The following SMARCC1 variants were observed in gnomAD, a reference collection of about 807,000 sequenced individuals.
SMARCC1 encodes the protein SWI/SNF complex subunit SMARCC1.
SMARCC1 carries 43 observed loss-of-function variants against 147.4 expected under a neutral mutation model. That is an observed-to-expected ratio of 0.29 (90% confidence interval 0.23 to 0.38). The LOEUF is 0.38. SMARCC1 is among the 10% of genes least tolerant of loss of function. The probability of loss-of-function intolerance (pLI) is 1.00; values close to 1 mark genes in which losing one functional copy is unlikely to be tolerated. For missense variants in SMARCC1, 1,119 were observed against 1,381.1 expected (o/e 0.81, Z 3.01); for synonymous variants, 495 against 484.4 (o/e 1.02, Z -0.29).
At chr3:47,656,349 CCTTT>C (rs775623752) in intron 21 of SMARCC1, among the ~76,000 whole-genome samples, 6 of 152,208 alleles carry the variant, frequency 3.9e-5, no homozygotes, top group African/African-American at 7.2e-5. Flanking sequence ...AAAAATGTCT[CCTTT>C]CTAACATCAT....
chr3:47,618,301 G>A (rs1160550058), intron 25 of SMARCC1, among the ~76,000 whole-genome samples: 1 of 152,068 alleles, frequency 6.6e-6, no homozygotes, highest in Non-Finnish European at 1.5e-5. Flanking sequence ...AAACCCCTTG[G>A]GAGGAGAAGG....
intron 11 of SMARCC1, 46 bp from the exon 12 acceptor site, chr3:47,693,346 A>C: frequency 1.8e-6 from 2 of 1,129,726 alleles, no homozygotes; most frequent in Non-Finnish European, 2.7e-6. Flanking sequence ...GAAAAGTTGT[A>C]CTTCTTTTTA....
chr3:47,635,454 A>G, intron 23 of SMARCC1, 110 bp from the exon 24 acceptor site: 1 of 949,650 alleles, frequency 1.1e-6, no homozygotes, highest in Non-Finnish European at 1.6e-6. Flanking sequence ...AAGAGATGTC[A>G]ATGCCTTTTT....
intron 2 of SMARCC1, among the ~76,000 whole-genome samples, chr3:47,755,768 C>G (rs373369183): frequency 8.0e-5 from 12 of 150,066 alleles, no homozygotes; most frequent in East Asian, 7.9e-4. Flanking sequence ...CGAGGCGGGC[C>G]GATCACAAGG....
intron 6 of SMARCC1, among the ~76,000 whole-genome samples, chr3:47,728,739 T>G (rs929931130): frequency 4.6e-5 from 7 of 152,014 alleles, no homozygotes; most frequent in African/African-American, 1.7e-4. Context: ...GAAATTCTTG[T>G]CTCTACTAAA....
intron 21 of SMARCC1, among the ~76,000 whole-genome samples, chr3:47,642,717 A>T (rs1404433419): frequency 6.6e-6 from 1 of 152,116 alleles, no homozygotes; most frequent in Admixed American, 6.5e-5. Flanking sequence ...TGCTGCCTGG[A>T]ATGTAAAATA....
At chr3:47,707,862 G>A (rs1340452917) in intron 9 of SMARCC1, among the ~76,000 whole-genome samples, 1 of 152,094 alleles carries the variant, frequency 6.6e-6, no homozygotes, top group Non-Finnish European at 1.5e-5. Context: ...CTAGGCGATA[G>A]AATGAGATTC....
chr3:47,687,003 A>G (rs987885873), intron 13 of SMARCC1, among the ~76,000 whole-genome samples: 1 of 152,222 alleles, frequency 6.6e-6, no homozygotes, highest in Non-Finnish European at 1.5e-5. Context: ...AAAATAAGCA[A>G]AAACCCAAAT....
At position 47,588,323 on chromosome 3, in the gene SMARCC1, G is replaced by A; in HGVS notation, c.3221-17C>T. ...GAGGGGGATCTGCAAACATATCCAA[G>A]AGTAACTCGTTATTGCTGGAAATAC... On this transcript the variant is annotated splice_polypyrimidine_tract_variant and intron_variant, in intron 27 of 27. Transcript: ENST00000254480. 3 of 1,606,538 alleles carry A rather than the reference G, an allele frequency of 1.9e-6. No individual in the cohort carries two copies. The highest frequency in any genetic ancestry group is 2.6e-6 in the Non-Finnish European group (3 of 1,173,688).
intron 2 of SMARCC1, among the ~76,000 whole-genome samples, chr3:47,769,160 G>A (rs984461886): frequency 4.5e-5 from 6 of 132,792 alleles, no homozygotes; most frequent in Non-Finnish European, 9.2e-5. Flanking sequence ...GCAGTGAGCC[G>A]AGATCGCACC....
chr3:47,727,531 A>T (rs1011495116), intron 6 of SMARCC1, among the ~76,000 whole-genome samples: 3 of 152,064 alleles, frequency 2.0e-5, no homozygotes, highest in African/African-American at 7.2e-5. Flanking sequence ...TACTGTGTGT[A>T]CATACCACAA....
intron 21 of SMARCC1, among the ~76,000 whole-genome samples, chr3:47,642,199 T>G (rs2033056932): frequency 6.6e-6 from 1 of 152,132 alleles, no homozygotes. Context: ...GATTAGTACA[T>G]AAGATCTATA....
chr3:47,710,911 A>G, intron 8 of SMARCC1, 103 bp from the exon 9 acceptor site: 1 of 828,082 alleles, frequency 1.2e-6, no homozygotes, highest in South Asian at 1.9e-5. Context: ...AAAGCCTCAA[A>G]TGCATAAAAC....
chr3:47,684,676 C>T (rs1160411965), intron 14 of SMARCC1, among the ~76,000 whole-genome samples: 1 of 152,102 alleles, frequency 6.6e-6, no homozygotes, highest in Non-Finnish European at 1.5e-5. Context: ...CTGCTGACCT[C>T]AGGTGATCTG....
At chr3:47,692,422 A>AT (rs1350284257) in intron 12 of SMARCC1, among the ~76,000 whole-genome samples, 12 of 152,228 alleles carry the variant, frequency 7.9e-5, no homozygotes, top group African/African-American at 1.2e-4. Flanking sequence ...CACTCCACAG[A>AT]TTTTTGTTCT....
At chr3:47,642,144 A>T (rs1198166938) in intron 21 of SMARCC1, among the ~76,000 whole-genome samples, 2 of 152,222 alleles carry the variant, frequency 1.3e-5, no homozygotes, top group Non-Finnish European at 2.9e-5. Context: ...AAGAAGAAAG[A>T]AGTAGCAAAA....
chr3:47,768,715 T>G (rs937686452), intron 2 of SMARCC1, among the ~76,000 whole-genome samples: 4 of 152,230 alleles, frequency 2.6e-5, no homozygotes, highest in African/African-American at 9.6e-5. Context: ...AATGAATACT[T>G]TAGCTGTAAA....
chr3:47,686,706 C>T (rs912852376), intron 13 of SMARCC1, among the ~76,000 whole-genome samples: 7 of 152,110 alleles, frequency 4.6e-5, no homozygotes, highest in Non-Finnish European at 7.3e-5. Flanking sequence ...AAATTATGGG[C>T]TGGGCAAGGT....
In SMARCC1 at chr3:47,770,267, C is replaced by T. The variant is rs187121057; in HGVS notation, c.315+2550G>A. Among the ~76,000 whole-genome samples the T allele has an allele frequency of 3.5e-4, 53 of 151,812 alleles. 1 individual carries two copies. The highest frequency in any genetic ancestry group is 1.3e-3 in the African/African-American group (52 of 41,402). ...ATAAGGCTGAGCATGGTTACTCATACCAGTAATCCCAGGACTTTGCAAAGC... is the reference window on the plus strand; with the variant it reads ...ATAAGGCTGAGCATGGTTACTCATATCAGTAATCCCAGGACTTTGCAAAGC... On this transcript the variant is annotated intron_variant, in intron 2 of 27. Coordinates refer to ENST00000254480, the MANE Select transcript of SMARCC1 (RefSeq NM_003074.4).
Sources: gnomAD v4.1 joint callset for allele counts (sites outside exome capture counted in the v4.1 genomes callset) on GRCh38, gnomAD v4.1.1 for gene constraint, MANE v1.5 for transcripts, NCBI Gene and HGNC (gene_info 2026-07-23, HGNC 2026-07-21) for gene names.